The following TOP3A variants were observed in gnomAD, a reference collection of about 807,000 sequenced individuals.
TOP3A encodes DNA topoisomerase 3-alpha.
A neutral mutation model predicts 111.3 loss-of-function variants in TOP3A; 64 were observed. The ratio of observed to expected loss-of-function variants is 0.57; its 90% CI spans 0.47 to 0.71. The LOEUF (loss-of-function observed/expected upper bound fraction) is 0.71, where lower values mean the gene tolerates loss of function less well. TOP3A is among the 30% of genes least tolerant of loss of function. The pLI, the probability that TOP3A is intolerant of heterozygous loss-of-function variation, is 0.00. For missense variants in TOP3A, 1,104 were observed against 1,285.0 expected, an observed-to-expected ratio of 0.86 and a Z score of 2.15; for synonymous variants, 484 against 485.1, an observed-to-expected ratio of 1.00 and a Z score of 0.03.
intron 15 of TOP3A, 32 bp from the exon 16 acceptor site, chr17:18,282,873 G>A (rs1278101169): frequency 6.2e-7 from 1 of 1,612,036 alleles, no homozygotes; most frequent in East Asian, 2.2e-5. Flanking sequence ...ACACCCATCA[G>A]CCAGCAATCG....
chr17:18,301,150 C>T (rs943799383), intron 8 of TOP3A, among the ~76,000 whole-genome samples: 3 of 152,188 alleles, frequency 2.0e-5, no homozygotes, highest in Non-Finnish European at 4.4e-5. Flanking sequence ...CTAGAGAGCT[C>T]GGAATTTTAC....
chr17:18,302,438 G>A lies in TOP3A; in HGVS notation c.644-4C>T. 1 of 788,258 alleles carries A rather than the reference G, an allele frequency of 1.3e-6. No individual in the cohort carries two copies. Among genetic ancestry groups the A allele is most frequent in the East Asian group, 2.6e-5 (1 of 37,782 alleles). 48.8% of individuals were successfully genotyped at this position (788,258 alleles called of 1,614,324 possible). ...TGGAACCTAGTAAAGGCAGCTCCTGGAGAGTGAAGGAGAGTGAAGGAAGGT... is the reference window on the plus strand; with the variant it reads ...TGGAACCTAGTAAAGGCAGCTCCTGAAGAGTGAAGGAGAGTGAAGGAAGGT... On this transcript the variant is annotated splice_region_variant and splice_polypyrimidine_tract_variant and intron_variant, in intron 6 of 18. Transcript: ENST00000321105.
chr17:18,307,609 A>T (rs779338051), intron 3 of TOP3A: 9 of 150,992 alleles, frequency 6.0e-5, no homozygotes, highest in Non-Finnish European at 1.2e-4. Flanking sequence ...AAAAATAAAT[A>T]AAATAAATAA....
At chr17:18,293,357 C>T (rs2142968165) in intron 10 of TOP3A, among the ~76,000 whole-genome samples, 1 of 152,212 alleles carries the variant, frequency 6.6e-6, no homozygotes, top group Admixed American at 6.5e-5. Context: ...GCAAGCTTGG[C>T]TCACTGTGGC....
chr17:18,277,209 AAT>A lies in TOP3A; in HGVS notation c.2827+464_2827+465del, dbSNP rs1348655679. 1.2e-3 allele frequency among the ~76,000 whole-genome samples: 183 copies of A among 146,428 alleles called. 2 individuals carry two copies. Among genetic ancestry groups the A allele is most frequent in the African/African-American group, 4.5e-3 (178 of 39,202 alleles). On this transcript the variant is annotated intron_variant, in intron 18 of 18. Coordinates refer to ENST00000321105, the MANE Select transcript of TOP3A (RefSeq NM_004618.5). ...CCAAAAAAAAAAAAAAAAAAAAAGA[AAT>A]GAGGCTGATGCTTATGGTCTGCCAA... is the stretch of plus-strand genomic sequence containing the variant.
intron 3 of TOP3A, 165 bp downstream of exon 3, chr17:18,308,186 T>TGGA (rs1981696327): frequency 4.6e-6 from 2 of 436,674 alleles, no homozygotes; most frequent in South Asian, 7.1e-5. Context: ...CACTCCAGCC[T>TGGA]GGGAGACAGA....
chr17:18,274,871 C>T lies in TOP3A; in HGVS notation c.2937G>A (p.Lys979=), dbSNP rs1979233310. ...GGCAAAGGCTGCATTTCCGGGGTTT[C>T]TTTGCTGTGGACCCCATGTCTGAGG... ...ASSSDMGSTA[K]KPRKCSLCHQ... The change falls in exon 19 of 19, where the codon AAG becomes AAA. Residue 979 remains lysine (K), a synonymous_variant. Transcript: ENST00000321105. The T allele has an allele frequency of 6.2e-7, 1 of 1,614,044 alleles. No homozygotes were observed. Among genetic ancestry groups the T allele is most frequent in the African/African-American group, 1.3e-5 (1 of 74,916 alleles).
chr17:18,303,101 T>C, intron 5 of TOP3A: 1 of 179,294 alleles, frequency 5.6e-6, no homozygotes, highest in Non-Finnish European at 1.2e-5. Flanking sequence ...GTCCCAACCC[T>C]GTGCTCACAA....
Position 18,285,475 on chromosome 17 carries a change from C to T in TOP3A, c.1643G>A (p.Arg548Gln), listed in dbSNP as rs151096656. ...GTCTGGGGTGAGGCCCACGTACATCCGGGCTTTGATGGTCTCGATGTGCTC... is the reference window on the plus strand; with the variant it reads ...GTCTGGGGTGAGGCCCACGTACATCTGGGCTTTGATGGTCTCGATGTGCTC... ...HAEHIETIKA[R>Q]MYVGLTPDKR... Residue 548 changes from arginine to glutamine, a missense_variant, in exon 14 of 19, where the codon CGG (arginine) becomes CAG (glutamine). Physicochemically the swap from Arg to Gln is conservative, Grantham distance 43. Coordinates refer to ENST00000321105, the MANE Select transcript of TOP3A (RefSeq NM_004618.5). 6.1e-5 allele frequency: 98 copies of T among 1,614,016 alleles called. No homozygotes were observed. The highest frequency in any genetic ancestry group is 7.5e-5 in the Non-Finnish European group (88 of 1,180,040).
intron 10 of TOP3A, among the ~76,000 whole-genome samples, chr17:18,293,856 A>G (rs1346535952): frequency 2.3e-4 from 35 of 152,148 alleles, no homozygotes; most frequent in Admixed American, 2.3e-3. Flanking sequence ...CGGCCTCCCA[A>G]AGTGCTAGGA....
At position 18,314,971 on chromosome 17, in the gene TOP3A, C is replaced by G. The variant is rs1433620539; in HGVS notation, c.-193G>C. ...CGCAGCCGCCGCCTCAGCACCGAAT[C>G]CAGTATCTTGGCGTGGAACTTCCGC... On this transcript the variant is annotated 5_prime_UTR_variant, in exon 1 of 19. Coordinates refer to ENST00000321105, the MANE Select transcript of TOP3A (RefSeq NM_004618.5). 2.4e-5 allele frequency: 5 copies of G among 206,400 alleles called. No homozygotes were observed. The highest frequency in any genetic ancestry group is 7.1e-5 in the African/African-American group (3 of 42,254). 12.8% of individuals were successfully genotyped at this position (206,400 alleles called of 1,614,324 possible). A position where few individuals can be genotyped will look rare whatever the true frequency, so the allele number is the denominator to read the frequency against.
chr17:18,294,868 A>G, intron 9 of TOP3A, 83 bp from the exon 10 acceptor site: 1 of 929,804 alleles, frequency 1.1e-6, no homozygotes. Flanking sequence ...TCTTCAGTCA[A>G]ATCTGGCCCG....
intron 18 of TOP3A, 132 bp from the exon 19 acceptor site, chr17:18,275,112 A>C: frequency 7.5e-7 from 1 of 1,336,918 alleles, no homozygotes; most frequent in African/African-American, 1.5e-5. Context: ...TGAGCCCAGG[A>C]GTTCAAGATC....
At chr17:18,302,223 G>A in intron 7 of TOP3A, 41 bp downstream of exon 7, 1 of 1,564,552 alleles carries the variant, frequency 6.4e-7, no homozygotes, top group Non-Finnish European at 8.6e-7. Flanking sequence ...TTAACCTTGA[G>A]CCCATAGGTC....
chr17:18,308,934 C>T lies in TOP3A; in HGVS notation c.188G>A (p.Gly63Glu). ...ATAGATCTTGTTGAATTTTGAAAGT[C>T]CTTCTCTCTATAAAACAAAAATAAG... ...LSNGRMRRRE[G>E]LSKFNKIYEF... The change falls in exon 2 of 19, where the codon GGA becomes GAA. Residue 63 changes from glycine to glutamate, a missense_variant. Physicochemically the swap from Gly to Glu is moderately conservative, Grantham distance 98. Transcript: ENST00000321105. 1 of 1,534,976 alleles carries T rather than the reference C, an allele frequency of 6.5e-7. No individual in the cohort carries two copies. Among genetic ancestry groups the T allele is most frequent in the Non-Finnish European group, 8.9e-7 (1 of 1,127,774 alleles).
chr17:18,274,591 G>T lies in TOP3A; in HGVS notation c.*211C>A, dbSNP rs1979210920. The T allele has an allele frequency of 1.3e-6, 1 of 748,246 alleles. No homozygotes were observed. The highest frequency in any genetic ancestry group is 2.0e-6 in the Non-Finnish European group (1 of 502,568). 46.4% of individuals were successfully genotyped at this position (748,246 alleles called of 1,614,324 possible). A position where few individuals can be genotyped will look rare whatever the true frequency, so the allele number is the denominator to read the frequency against. On this transcript the variant is annotated 3_prime_UTR_variant, in exon 19 of 19. Transcript: ENST00000321105. ...AGCAGTGGCTATGGTCACTCCTGAG[G>T]CCTGGGAAGAGGGTCACTGTCCAGC... is the stretch of plus-strand genomic sequence containing the variant.
At position 18,272,118 on chromosome 17, in the gene TOP3A, A is replaced by C. The variant is rs776682618; in HGVS notation, c.*2684T>G. On this transcript the variant is annotated 3_prime_UTR_variant, in exon 19 of 19. Transcript: ENST00000321105. ...AAATGGGTGAAGAACTTAAATCGAC[A>C]TTCTCCAAAGAATGTATACCAATGG... Among the ~76,000 whole-genome samples, 7 of 152,206 alleles carry C rather than the reference A, an allele frequency of 4.6e-5. No individual in the cohort carries two copies. Among genetic ancestry groups the C allele is most frequent in the Non-Finnish European group, 8.8e-5 (6 of 68,042 alleles).
At chr17:18,286,440 T>A (rs966261533) in intron 13 of TOP3A, among the ~76,000 whole-genome samples, 5 of 151,722 alleles carry the variant, frequency 3.3e-5, no homozygotes, top group Admixed American at 6.6e-5. Context: ...GGCATGAACC[T>A]GGGAGGCGGA....
At chr17:18,288,154 T>TACATATATATATATATAAA (rs1427846577) in intron 13 of TOP3A, among the ~76,000 whole-genome samples, 2 of 132,624 alleles carry the variant, frequency 1.5e-5, no homozygotes, top group African/African-American at 6.4e-5. Context: ...TATATAAATT[T>TACATATATATATATATAAA]TTTTTTTTTT....
Sources: allele counts gnomAD v4.1 joint callset (sites outside exome capture counted in the v4.1 genomes callset), GRCh38; gene constraint gnomAD v4.1.1; transcripts MANE v1.5; gene names NCBI Gene and HGNC (gene_info 2026-07-23, HGNC 2026-07-21).